The following PTPRD variants were observed in gnomAD, a reference collection of about 807,000 sequenced individuals.
The protein encoded by PTPRD is protein tyrosine phosphatase receptor type D.
A neutral mutation model predicts 214.5 loss-of-function variants in PTPRD; 34 were observed. That is an observed-to-expected ratio of 0.16 (90% confidence interval 0.12 to 0.21). The LOEUF (loss-of-function observed/expected upper bound fraction) is 0.21. PTPRD is among the 10% of genes least tolerant of loss of function. PTPRD has a pLI of 1.00. For synonymous variants in PTPRD, 1,128 were observed against 845.7 expected, an observed-to-expected ratio of 1.33 and a Z score of -5.79; for missense variants, 2,545 against 2,398.7, an observed-to-expected ratio of 1.06 and a Z score of -1.27.
chr9:10,602,225 G>T (rs183916945), intron 2 of PTPRD, among the ~76,000 whole-genome samples: 2 of 151,670 alleles, frequency 1.3e-5, no homozygotes, highest in Non-Finnish European at 2.9e-5. Flanking sequence ...GATCCAATTC[G>T]CTGTGAAAGA....
intron 14 of PTPRD, among the ~76,000 whole-genome samples, chr9:8,601,112 C>T (rs560377123): frequency 6.6e-6 from 1 of 152,114 alleles, no homozygotes; most frequent in Non-Finnish European, 1.5e-5. Context: ...CTTGGCAGTA[C>T]TCCCTATGGG....
chr9:10,018,450 T>C (rs966120757), intron 4 of PTPRD, among the ~76,000 whole-genome samples: 1 of 151,346 alleles, frequency 6.6e-6, no homozygotes. Flanking sequence ...AAATAGCAGA[T>C]AAAATTTTTA....
chr9:8,519,082 G>T (rs1385817269), intron 20 of PTPRD, among the ~76,000 whole-genome samples: 1 of 152,048 alleles, frequency 6.6e-6, no homozygotes, highest in Non-Finnish European at 1.5e-5. Context: ...TCTTGTAAAT[G>T]AAAAACCAAA....
chr9:9,085,545 G>C (rs948876784), intron 10 of PTPRD, among the ~76,000 whole-genome samples: 6 of 151,844 alleles, frequency 4.0e-5, no homozygotes, highest in Non-Finnish European at 5.9e-5. Flanking sequence ...GAAACTCAGG[G>C]CTTTTTTTCC....
chr9:9,202,153 T>A (rs2099942233), intron 9 of PTPRD, among the ~76,000 whole-genome samples: 2 of 152,166 alleles, frequency 1.3e-5, no homozygotes, highest in Non-Finnish European at 2.9e-5. Context: ...TCGAGTCCAG[T>A]GTTTGGAAAG....
At chr9:9,714,929 T>A (rs2097792714) in intron 7 of PTPRD, among the ~76,000 whole-genome samples, 1 of 152,188 alleles carries the variant, frequency 6.6e-6, no homozygotes, top group Non-Finnish European at 1.5e-5. Flanking sequence ...AATTAAAATA[T>A]TTAGTATATT....
intron 12 of PTPRD, among the ~76,000 whole-genome samples, chr9:8,694,228 C>G (rs1343362384): frequency 6.6e-6 from 1 of 152,042 alleles, no homozygotes; most frequent in Non-Finnish European, 1.5e-5. Context: ...TAAATTACTT[C>G]TTTTGCCTCA....
chr9:8,564,194 T>C (rs1222348222), intron 14 of PTPRD, among the ~76,000 whole-genome samples: 1 of 152,126 alleles, frequency 6.6e-6, no homozygotes, highest in African/African-American at 2.4e-5. Flanking sequence ...TTTTTCTAAC[T>C]GTTAGCTAAT....
intron 14 of PTPRD, among the ~76,000 whole-genome samples, chr9:8,534,652 C>T (rs1035748397): frequency 3.3e-5 from 5 of 151,786 alleles, no homozygotes; most frequent in African/African-American, 1.2e-4. Flanking sequence ...CACACACACA[C>T]ACACTAGGAC....
At chr9:9,927,755 G>A (rs543828659) in intron 5 of PTPRD, among the ~76,000 whole-genome samples, 2 of 152,126 alleles carry the variant, frequency 1.3e-5, no homozygotes, top group South Asian at 4.1e-4. Context: ...AATATTGTTT[G>A]AAATATTGCC....
chr9:8,910,551 C>A (rs1010673765), intron 11 of PTPRD, among the ~76,000 whole-genome samples: 1 of 152,126 alleles, frequency 6.6e-6, no homozygotes, highest in Non-Finnish European at 1.5e-5. Flanking sequence ...CCATGTGATA[C>A]CCTGCACTGC....
At chr9:9,517,662 AT>A (rs1247246820) in intron 8 of PTPRD, among the ~76,000 whole-genome samples, 1 of 152,128 alleles carries the variant, frequency 6.6e-6, no homozygotes, top group African/African-American at 2.4e-5. Context: ...ATGAGGTCAT[AT>A]TGAAATTAAA....
chr9:8,996,326 T>C (rs1394508779), intron 11 of PTPRD, among the ~76,000 whole-genome samples: 1 of 151,926 alleles, frequency 6.6e-6, no homozygotes, highest in Non-Finnish European at 1.5e-5. Flanking sequence ...CACAACAACA[T>C]GGTAGGATGT....
intron 3 of PTPRD, among the ~76,000 whole-genome samples, chr9:10,227,400 A>T (rs1489859822): frequency 6.6e-6 from 1 of 152,032 alleles, no homozygotes; most frequent in Non-Finnish European, 1.5e-5. Flanking sequence ...TTCTTCAGAG[A>T]AGCGTGGCAG....
chr9:10,479,505 A>C (rs989669654), intron 2 of PTPRD, among the ~76,000 whole-genome samples: 9 of 152,136 alleles, frequency 5.9e-5, no homozygotes, highest in Non-Finnish European at 1.0e-4. Flanking sequence ...TTTGAAGAAT[A>C]ACATGCAGAC....
chr9:9,796,752 G>T lies in PTPRD; in HGVS notation c.-367-29901C>A, dbSNP rs906803270. Among the ~76,000 whole-genome samples, 25 of 152,282 alleles carry T rather than the reference G, an allele frequency of 1.6e-4. 1 individual carries two copies. The highest frequency in any genetic ancestry group is 5.8e-4 in the African/African-American group (24 of 41,564). ...AAACCTAAAAATAGCAAAGTCTTCAGGAATGAAAGGGCCATGAGGACTGAG... is the reference window on the plus strand; with the variant it reads ...AAACCTAAAAATAGCAAAGTCTTCATGAATGAAAGGGCCATGAGGACTGAG... On this transcript the variant is annotated intron_variant, in intron 5 of 45. Coordinates refer to ENST00000381196, the MANE Select transcript of PTPRD (RefSeq NM_002839.4).
chr9:10,475,285 A>C (rs776556252), intron 2 of PTPRD, among the ~76,000 whole-genome samples: 65 of 152,056 alleles, frequency 4.3e-4, no homozygotes, highest in Admixed American at 1.4e-3. Context: ...TAGACACAAT[A>C]AAAAATGATA....
At chr9:9,078,019 G>C (rs900680722) in intron 10 of PTPRD, among the ~76,000 whole-genome samples, 1 of 152,016 alleles carries the variant, frequency 6.6e-6, no homozygotes, top group Non-Finnish European at 1.5e-5. Context: ...ATGTATGCTA[G>C]ATTTCTATAC....
chr9:9,093,012 G>A (rs2154433163), intron 10 of PTPRD, among the ~76,000 whole-genome samples: 1 of 151,970 alleles, frequency 6.6e-6, no homozygotes, highest in Admixed American at 6.6e-5. Context: ...CAGTACGAAA[G>A]AAAATGCAAA....
Sources: allele counts gnomAD v4.1 joint callset (sites outside exome capture counted in the v4.1 genomes callset), GRCh38; gene constraint gnomAD v4.1.1; transcripts MANE v1.5; gene names NCBI Gene and HGNC (gene_info 2026-07-23, HGNC 2026-07-21).